IDH2: variants seen among roughly 807,000 people sequenced by gnomAD.
IDH2 encodes isocitrate dehydrogenase [NADP], mitochondrial.
Under a neutral mutation model 50.5 loss-of-function variants are expected in IDH2, and 18 were observed. The observed-to-expected ratio is 0.36, with a 90% CI of 0.25 to 0.53. IDH2 has a LOEUF of 0.53. IDH2 is among the 20% of genes least tolerant of loss of function. IDH2 has a pLI of 0.92. For synonymous variants in IDH2, 280 were observed against 239.8 expected (o/e 1.17, Z -1.55); for missense variants, 518 against 610.7 (o/e 0.85, Z 1.60).
Position 90,085,322 on chromosome 15 carries a change from C to T in IDH2, c.1033G>A (p.Glu345Lys). ...CGGGTGACGGTCCCATGAGCGGCCTCAGCCTCAATCGTCTTCCCATCAGGG... is the reference window on the plus strand; with the variant it reads ...CGGGTGACGGTCCCATGAGCGGCCTTAGCCTCAATCGTCTTCCCATCAGGG... Reference protein sequence around the residue: ...VCPDGKTIEAEAAHGTVTRHY... With the variant: ...VCPDGKTIEAKAAHGTVTRHY... Residue 345 changes from glutamate (E) to lysine (K), a missense_variant, in exon 8 of 11, where the codon GAG becomes AAG. By Grantham distance (56) the Glu-to-Lys change is moderately conservative. Around this residue, in one of 5 missense-constraint regions of IDH2, gnomAD observed 135 missense variants for 167.6 expected, o/e 0.81. Coordinates refer to ENST00000330062, the MANE Select transcript of IDH2 (RefSeq NM_002168.4). This position sits in a 1 kb window ranked among gnomAD's most constrained non-coding sequence, Gnocchi z 5.5. 1 of 1,552,994 alleles carries T rather than the reference C, an allele frequency of 6.4e-7. No homozygotes were observed. Among genetic ancestry groups the T allele is most frequent in the East Asian group, 2.4e-5 (1 of 41,168 alleles).
At chr15:90,087,995 G>T (rs190784844) in intron 5 of IDH2, among the ~76,000 whole-genome samples, 1 of 152,084 alleles carries the variant, frequency 6.6e-6, no homozygotes, top group African/African-American at 2.4e-5. Context: ...ACTCAGCCTG[G>T]CATTGGAGCT....
At chr15:90,090,722 G>A in intron 2 of IDH2, 78 bp from the exon 3 acceptor site, 1 of 1,411,534 alleles carries the variant, frequency 7.1e-7, no homozygotes, top group Non-Finnish European at 1.0e-6. Flanking sequence ...TAAGAAGTCT[G>A]CAGGCCATGG....
chr15:90,097,582 C>A (rs1188741873), intron 1 of IDH2, among the ~76,000 whole-genome samples: 2 of 152,144 alleles, frequency 1.3e-5, no homozygotes, highest in Non-Finnish European at 1.5e-5. Context: ...AAGACAAATA[C>A]TATATGCTTC....
At position 90,100,895 on chromosome 15, in the gene IDH2, G is replaced by A. The variant is rs924990891; in HGVS notation, c.115+1381C>T. Among the ~76,000 whole-genome samples the A allele has an allele frequency of 6.6e-6, 1 of 150,920 alleles. No homozygotes were observed. The highest frequency in any genetic ancestry group is 1.5e-5 in the Non-Finnish European group (1 of 67,872). On this transcript the variant is annotated intron_variant, in intron 1 of 10. Transcript: ENST00000330062. This position sits in a 1 kb window ranked among gnomAD's most constrained non-coding sequence, Gnocchi z 4.1. ...TCCAAATTCAGGACCCTTAAAAGGCGCTTTGTGTTCCTGTTTGTGTGTGTT... is the reference window on the plus strand; with the variant it reads ...TCCAAATTCAGGACCCTTAAAAGGCACTTTGTGTTCCTGTTTGTGTGTGTT...
chr15:90,086,222 G>A (rs1248959223), intron 7 of IDH2, among the ~76,000 whole-genome samples: 1 of 152,054 alleles, frequency 6.6e-6, no homozygotes, highest in Non-Finnish European at 1.5e-5. Flanking sequence ...AACCCGTCCT[G>A]GGCTTCCCTT....
chr15:90,088,714 T>C lies in IDH2; in HGVS notation c.407A>G (p.Asn136Ser), dbSNP rs749063791. Residue 136 changes from asparagine to serine, a missense_variant, in exon 4 of 11, where the codon AAT becomes AGT. Asn to Ser is a conservative substitution (Grantham distance 46). This residue lies in a region of IDH2 where 207 missense variants were observed against 208.6 expected (regional missense o/e 0.99). Transcript: ENST00000330062. ...FKLKKMWKSP[N>S]GTIRNILGGT... ...CCCCAGGATGTTCCGGATAGTTCCATTGGGACTTTTCCACATCTTCTTCAG... is the reference window on the plus strand; with the variant it reads ...CCCCAGGATGTTCCGGATAGTTCCACTGGGACTTTTCCACATCTTCTTCAG... The C allele has an allele frequency of 2.4e-5, 39 of 1,613,964 alleles. No homozygotes were observed. The highest frequency in any genetic ancestry group is 1.6e-4 in the Middle Eastern group (1 of 6,084).
intron 3 of IDH2, among the ~76,000 whole-genome samples, chr15:90,089,098 G>A (rs1030683800): frequency 6.6e-6 from 1 of 151,796 alleles, no homozygotes; most frequent in African/African-American, 2.4e-5. Context: ...ATTTTTAGGA[G>A]AGATGGGGTT....
chr15:90,101,620 C>A (rs1901333307), intron 1 of IDH2, among the ~76,000 whole-genome samples: 1 of 149,644 alleles, frequency 6.7e-6, no homozygotes, highest in African/African-American at 2.5e-5. Context: ...CCTGCCAAGG[C>A]AGGTCAAGTC....
rs527632201 is a variant in IDH2 at position 90,084,518 on chromosome 15, C to T, written c.1272-165G>A. Among the ~76,000 whole-genome samples the T allele has an allele frequency of 1.3e-5, 2 of 152,190 alleles. No homozygotes were observed. Among genetic ancestry groups the T allele is most frequent in the African/African-American group, 2.4e-5 (1 of 41,436 alleles). Reference sequence around the variant, plus strand: ...CTATAGCCCCCTACCATGAGGCCACCGAGATTCGGCAGGCACCCGCAGGGT... The same window carrying T: ...CTATAGCCCCCTACCATGAGGCCACTGAGATTCGGCAGGCACCCGCAGGGT... On this transcript the variant is annotated intron_variant, in intron 10 of 10. Transcript: ENST00000330062. The surrounding 1 kb of genome is among the most constrained non-coding windows in gnomAD (Gnocchi z 5.0).
chr15:90,084,893 C>A lies in IDH2; in HGVS notation c.1194G>T (p.Leu398=), dbSNP rs755291689. Reference sequence around the variant, plus strand: ...CCACCGTCTCCACGCACACCTTCTCCAGCATCTGGGCAAACCTATGGGGAT... The same window carrying A: ...CCACCGTCTCCACGCACACCTTCTCAAGCATCTGGGCAAACCTATGGGGAT... The part of the protein sequence containing the change: ...NQDLIRFAQM[L]EKVCVETVES... The change falls in exon 10 of 11, where the codon CTG becomes CTT. Residue 398 remains leucine (L), a synonymous_variant. Transcript: ENST00000330062. This position sits in a 1 kb window ranked among gnomAD's most constrained non-coding sequence, Gnocchi z 5.0. The A allele has an allele frequency of 6.2e-7, 1 of 1,614,118 alleles. No individual in the cohort carries two copies. Among genetic ancestry groups the A allele is most frequent in the African/African-American group, 1.3e-5 (1 of 75,032 alleles).
intron 2 of IDH2, 46 bp from the exon 3 acceptor site, chr15:90,090,690 G>A: frequency 1.2e-6 from 2 of 1,600,292 alleles, no homozygotes; most frequent in Non-Finnish European, 1.7e-6. Flanking sequence ...GTGACTCAGG[G>A]ACATGACAAC....
At chr15:90,095,068 G>GT (rs530535524) in intron 1 of IDH2, among the ~76,000 whole-genome samples, 3,189 of 148,374 alleles carry the variant, frequency 0.021, 50 homozygotes, top group Middle Eastern at 0.031. Context: ...CAAAGAGTTT[G>GT]TTTTTTTTTT....
At chr15:90,090,443 A>G (rs1901002755) in intron 3 of IDH2, 36 bp downstream of exon 3, 1 of 1,607,916 alleles carries the variant, frequency 6.2e-7, no homozygotes, top group Non-Finnish European at 8.5e-7. Context: ...GAAGCCTGTG[A>G]CCCTCCCTGG....
intron 5 of IDH2, 77 bp downstream of exon 5, chr15:90,088,282 A>C: frequency 1.3e-6 from 2 of 1,573,598 alleles, no homozygotes; most frequent in South Asian, 1.1e-5. Context: ...CCATTACAGA[A>C]GAAAGGAAAG....
At chr15:90,091,353 A>T (rs1901030134) in intron 2 of IDH2, among the ~76,000 whole-genome samples, 200 bp downstream of exon 2, 1 of 152,258 alleles carries the variant, frequency 6.6e-6, no homozygotes. Flanking sequence ...TGCTGGGGAC[A>T]GGCCCCCGCC....
Position 90,084,980 on chromosome 15 carries a change from G to C in IDH2, c.1178+21C>G. ...CCCAGAGCCTGTCCTGGGCAGCTCCGGCCTCTCCCTCCATGCTCACCTGAT... is the reference window on the plus strand; with the variant it reads ...CCCAGAGCCTGTCCTGGGCAGCTCCCGCCTCTCCCTCCATGCTCACCTGAT... On this transcript the variant is annotated intron_variant, in intron 9 of 10. Coordinates refer to ENST00000330062, the MANE Select transcript of IDH2 (RefSeq NM_002168.4). The surrounding 1 kb of genome is among the most constrained non-coding windows in gnomAD (Gnocchi z 5.0). 1 of 1,612,682 alleles carries C rather than the reference G, an allele frequency of 6.2e-7. No individual in the cohort carries two copies. Among genetic ancestry groups the C allele is most frequent in the Non-Finnish European group, 8.5e-7 (1 of 1,178,952 alleles).
chr15:90,088,222 A>G (rs1567254444), intron 5 of IDH2, 137 bp downstream of exon 5: 8 of 1,144,360 alleles, frequency 7.0e-6, no homozygotes, highest in Non-Finnish European at 9.1e-6. Context: ...GTCAGCCACC[A>G]TGCCCAGCCC....
rs1385342259 is a variant in IDH2, at chr15:90,084,299, C to T, written c.1326G>A (p.Lys442=). ...TGCCCAGGGCTCTGTCCAGGTTGCT[C>T]TTGATGGTGTCGAGGAAGTCCGTGG... The part of the protein sequence containing the change: ...LNTTDFLDTI[K]SNLDRALGRQ Residue 442 remains lysine, a synonymous_variant, in exon 11 of 11, where the codon AAG becomes AAA. Transcript: ENST00000330062. This position sits in a 1 kb window ranked among gnomAD's most constrained non-coding sequence, Gnocchi z 5.0. The T allele has an allele frequency of 2.5e-6, 4 of 1,614,100 alleles. No homozygotes were observed. Among genetic ancestry groups the T allele is most frequent in the South Asian group, 2.2e-5 (2 of 91,082 alleles).
At chr15:90,090,985 G>A (rs1901020020) in intron 2 of IDH2, among the ~76,000 whole-genome samples, 1 of 152,186 alleles carries the variant, frequency 6.6e-6, no homozygotes, top group Admixed American at 6.5e-5. Flanking sequence ...TATACAACTG[G>A]TTTCCTCTTC....
Sources: gnomAD v4.1 joint callset for allele counts (sites outside exome capture counted in the v4.1 genomes callset) on GRCh38, gnomAD v4.1.1 for gene constraint, gnomAD v4.1.1 regional missense constraint, Gnocchi (gnomAD v3.1) non-coding constraint, MANE v1.5 for transcripts, NCBI Gene and HGNC (gene_info 2026-07-23, HGNC 2026-07-21) for gene names.